PDE1A: variants seen among roughly 807,000 people sequenced by gnomAD.
PDE1A encodes the protein dual specificity calcium/calmodulin-dependent 3',5'-cyclic nucleotide phosphodiesterase 1A.
In PDE1A, 35 loss-of-function variants were observed where a neutral mutation model predicts 61.7. That is an observed-to-expected ratio of 0.57 (90% CI 0.43 to 0.75). The LOEUF (loss-of-function observed/expected upper bound fraction) is 0.75. PDE1A is among the 30% of genes least tolerant of loss of function. PDE1A has a pLI of 0.00. For missense variants in PDE1A, 597 were observed against 630.6 expected (o/e 0.95, Z 0.57); for synonymous variants, 232 against 213.2 (o/e 1.09, Z -0.77).
the PDE1A span, among the ~76,000 whole-genome samples, chr2:182,615,011 C>T: frequency 6.6e-6 from 1 of 152,140 alleles, no homozygotes; most frequent in Non-Finnish European, 1.5e-5. Context: ...AATTCCTATA[C>T]ACTCCGTTAG....
chr2:182,375,402 T>A (rs1429334289), intron 1 of PDE1A, among the ~76,000 whole-genome samples: 2 of 152,156 alleles, frequency 1.3e-5, no homozygotes, highest in Non-Finnish European at 2.9e-5. Flanking sequence ...GAGAAATTGA[T>A]GAAAATCTGA....
At chr2:182,415,564 T>C (rs749114284) in intron 1 of PDE1A, among the ~76,000 whole-genome samples, 7 of 152,178 alleles carry the variant, frequency 4.6e-5, no homozygotes, top group South Asian at 2.1e-4. Context: ...ATTTATATTA[T>C]GATAGCAACA....
intron 2 of PDE1A, among the ~76,000 whole-genome samples, chr2:182,247,530 CTT>C (rs1691064281): frequency 6.6e-6 from 1 of 152,170 alleles, no homozygotes; most frequent in African/African-American, 2.4e-5. Flanking sequence ...CCATTTACCT[CTT>C]CTTACTTATT....
the PDE1A span, among the ~76,000 whole-genome samples, chr2:182,593,028 T>G: frequency 6.6e-6 from 1 of 151,478 alleles, no homozygotes; most frequent in African/African-American, 2.4e-5. Flanking sequence ...CAGGAATAAA[T>G]TCTACCCAAT....
chr2:182,254,626 G>A (rs1691642215), intron 2 of PDE1A, among the ~76,000 whole-genome samples: 1 of 151,998 alleles, frequency 6.6e-6, no homozygotes, highest in Non-Finnish European at 1.5e-5. Flanking sequence ...GAACAAAAAG[G>A]GACTGGAGAC....
chr2:182,283,102 C>A (rs1168672754), intron 1 of PDE1A, among the ~76,000 whole-genome samples: 1 of 151,954 alleles, frequency 6.6e-6, no homozygotes, highest in African/African-American at 2.4e-5. Flanking sequence ...GAAATATTTT[C>A]TTTTCAAATC....
At chr2:182,627,052 TAAA>T in the PDE1A span, among the ~76,000 whole-genome samples, 6 of 42,844 alleles carry the variant, frequency 1.4e-4, no homozygotes, top group Admixed American at 5.8e-4. Context: ...TATTTATATA[TAAA>T]ATATAATATA....
At chr2:182,420,298 C>A (rs975160643) in intron 1 of PDE1A, among the ~76,000 whole-genome samples, 3 of 151,764 alleles carry the variant, frequency 2.0e-5, no homozygotes, top group Non-Finnish European at 2.9e-5. Flanking sequence ...AACAGGTGGG[C>A]CCAGATCATC....
chr2:182,177,009 A>T (rs375059727), intron 13 of PDE1A, among the ~76,000 whole-genome samples: 6 of 150,942 alleles, frequency 4.0e-5, no homozygotes, highest in Admixed American at 2.6e-4. Flanking sequence ...CGTATATTGA[A>T]CCAGCCTTGC....
the PDE1A span, among the ~76,000 whole-genome samples, chr2:182,638,309 C>T: frequency 6.6e-6 from 1 of 152,112 alleles, no homozygotes; most frequent in East Asian, 1.9e-4. Context: ...GAGGCCAAGG[C>T]AGGTGGATCA....
At chr2:182,147,076 G>A in exon 14 of PDE1A, 1 of 1,589,272 alleles carries the variant, frequency 6.3e-7, no homozygotes, top group Non-Finnish European at 8.6e-7. Context: ...AGGTGTTTCG[G>A]GCCTATGAAT....
At chr2:182,628,318 T>G in the PDE1A span, among the ~76,000 whole-genome samples, 4 of 152,228 alleles carry the variant, frequency 2.6e-5, no homozygotes, top group African/African-American at 9.6e-5. Context: ...TACATTCAAG[T>G]AGTTTCATCA....
rs189491187 is a variant in PDE1A, at chr2:182,302,504, C to T, written c.54-38090G>A. On this transcript the variant is annotated intron_variant, in intron 1 of 13. Transcript: ENST00000351439. Reference sequence around the variant, plus strand: ...TAAAATACTTCATTACTAAAAAATGCTAACAATCTTCTGAGCCTTTCAGCA... The same window carrying T: ...TAAAATACTTCATTACTAAAAAATGTTAACAATCTTCTGAGCCTTTCAGCA... Among the ~76,000 whole-genome samples the T allele has an allele frequency of 1.9e-3, 290 of 152,290 alleles. 1 individual carries two copies. Among genetic ancestry groups the T allele is most frequent in the East Asian group, 6.2e-3 (32 of 5,180 alleles).
intron 2 of PDE1A, among the ~76,000 whole-genome samples, chr2:182,443,222 C>G (rs915201746): frequency 2.0e-5 from 3 of 151,638 alleles, no homozygotes; most frequent in Admixed American, 6.6e-5. Context: ...AAAAAAAACC[C>G]TTAAGGATAA....
intron 2 of PDE1A, among the ~76,000 whole-genome samples, chr2:182,508,990 G>A (rs919904004): frequency 3.4e-5 from 5 of 145,162 alleles, no homozygotes; most frequent in African/African-American, 1.3e-4. Flanking sequence ...TCCCCAGAGT[G>A]TGATATTCCC....
At chr2:182,221,533 A>G (rs904842119) in intron 7 of PDE1A, among the ~76,000 whole-genome samples, 7 of 152,090 alleles carry the variant, frequency 4.6e-5, no homozygotes, top group Non-Finnish European at 8.8e-5. Context: ...CATTCCTGCT[A>G]CATAACCAGA....
chr2:182,445,208 C>T (rs1450559985), intron 2 of PDE1A, among the ~76,000 whole-genome samples: 1 of 152,040 alleles, frequency 6.6e-6, no homozygotes, highest in Non-Finnish European at 1.5e-5. Flanking sequence ...TATAGAAACA[C>T]AAATATTTCC....
At chr2:182,445,371 T>G (rs1216939876) in intron 2 of PDE1A, among the ~76,000 whole-genome samples, 1 of 152,252 alleles carries the variant, frequency 6.6e-6, no homozygotes, top group South Asian at 2.1e-4. Context: ...CCTTGAGCTA[T>G]CGCCTCAAAA....
intron 7 of PDE1A, 134 bp from the exon 8 acceptor site, chr2:182,206,199 T>G: frequency 1.9e-6 from 1 of 538,786 alleles, no homozygotes; most frequent in Non-Finnish European, 3.0e-6. Flanking sequence ...ATGGAAGTAC[T>G]TAGTTTCTTT....
Sources: allele counts gnomAD v4.1 joint callset (sites outside exome capture counted in the v4.1 genomes callset), GRCh38; gene constraint gnomAD v4.1.1; transcripts MANE v1.5; gene names NCBI Gene and HGNC (gene_info 2026-07-23, HGNC 2026-07-21).